Variants in SCOC observed in about 807,000 individuals in gnomAD.
The protein encoded by SCOC is short coiled-coil protein.
In SCOC, 7 loss-of-function variants were observed where a neutral mutation model predicts 9.9. That is an observed-to-expected ratio of 0.71 (90% CI 0.40 to 1.33). The LOEUF (loss-of-function observed/expected upper bound fraction) is 1.33. Among genes scored for constraint, SCOC ranks in the 40% most tolerant of loss-of-function variants. The pLI is 0.01. For synonymous variants in SCOC, 19 were observed against 28.2 expected (o/e 0.67, Z 1.03); for missense variants, 66 against 89.7 (o/e 0.74, Z 1.07).
chr4:140,378,028 G>A (rs1283218388), intron 1 of SCOC, among the ~76,000 whole-genome samples: 1 of 152,084 alleles, frequency 6.6e-6, no homozygotes, highest in African/African-American at 2.4e-5. Flanking sequence ...ATGATTGTTA[G>A]CAATGGAGCA....
At chr4:140,292,410 A>T (rs939798824) in intron 1 of SCOC, among the ~76,000 whole-genome samples, 3 of 151,952 alleles carry the variant, frequency 2.0e-5, no homozygotes, top group Non-Finnish European at 4.4e-5. Context: ...GCTGGTCTTG[A>T]ACTCCTGATG....
chr4:140,373,366 G>T (rs1195535645), upstream of SCOC: 3 of 1,441,608 alleles, frequency 2.1e-6, no homozygotes, highest in Non-Finnish European at 9.1e-7. Flanking sequence ...GACCTGATGA[G>T]CCGCTTCACC....
intron 2 of SCOC, among the ~76,000 whole-genome samples, chr4:140,359,235 TAGAC>T (rs1440841081): frequency 1.3e-5 from 2 of 152,158 alleles, no homozygotes; most frequent in Non-Finnish European, 2.9e-5. Flanking sequence ...CATCTGAAGT[TAGAC>T]AGGCTGTGTA....
chr4:140,258,681 G>T (rs1730564492), intron 1 of SCOC, among the ~76,000 whole-genome samples: 1 of 152,208 alleles, frequency 6.6e-6, no homozygotes, highest in African/African-American at 2.4e-5. Flanking sequence ...TCTTCCTCCA[G>T]GGCTTCAGGG....
intron 1 of SCOC, among the ~76,000 whole-genome samples, chr4:140,299,470 G>A (rs1731751860): frequency 6.6e-6 from 1 of 152,144 alleles, no homozygotes; most frequent in African/African-American, 2.4e-5. Context: ...TCAGCTGCCA[G>A]TGGGAATTTC....
intron 2 of SCOC, among the ~76,000 whole-genome samples, chr4:140,358,055 T>C (rs1727308324): frequency 6.6e-6 from 1 of 152,156 alleles, no homozygotes; most frequent in Admixed American, 6.5e-5. Context: ...CCCTTTGCTT[T>C]CTCGCCCTGG....
At chr4:140,339,234 A>G (rs1578826238), upstream of SCOC, among the ~76,000 whole-genome samples, 2 of 152,140 alleles carry the variant, frequency 1.3e-5, no homozygotes, top group South Asian at 4.1e-4. Context: ...TGCTGGGAAA[A>G]CTGGCTAGCC....
chr4:140,374,782 C>G lies in SCOC; in HGVS notation c.-51+1065C>G, dbSNP rs533692041. Among the ~76,000 whole-genome samples, 3 of 152,208 alleles carry G rather than the reference C, an allele frequency of 2.0e-5. No homozygotes were observed. The South Asian group carries it at 6.2e-4, about 32-fold the overall frequency. On this transcript the variant is annotated intron_variant, in intron 1 of 3. Coordinates refer to ENST00000608372, the MANE Select transcript of SCOC (RefSeq NM_001153484.2). Reference sequence around the variant, plus strand: ...AAAAGCATGGACTGTGAAGTTAGACCTGGGTTCAAATTCTTGGTAGAGACA... The same window carrying G: ...AAAAGCATGGACTGTGAAGTTAGACGTGGGTTCAAATTCTTGGTAGAGACA...
intron 1 of SCOC, among the ~76,000 whole-genome samples, chr4:140,285,491 G>A (rs1044886871): frequency 6.6e-6 from 1 of 152,238 alleles, no homozygotes; most frequent in Non-Finnish European, 1.5e-5. Context: ...GACAGAGCTG[G>A]CAGGACAGGA....
At chr4:140,313,340 G>A (rs1285575986) in intron 1 of SCOC, among the ~76,000 whole-genome samples, 3 of 152,146 alleles carry the variant, frequency 2.0e-5, no homozygotes, top group African/African-American at 7.2e-5. Flanking sequence ...TGCTTCCCGG[G>A]TTCTAGCGAT....
At chr4:140,325,977 C>G (rs953612035) in intron 1 of SCOC, among the ~76,000 whole-genome samples, 1 of 152,180 alleles carries the variant, frequency 6.6e-6, no homozygotes, top group Non-Finnish European at 1.5e-5. Context: ...TATATCCGTA[C>G]AGTAGGCTAT....
At chr4:140,294,501 G>C (rs1371376691) in intron 1 of SCOC, among the ~76,000 whole-genome samples, 1 of 152,120 alleles carries the variant, frequency 6.6e-6, no homozygotes, top group Non-Finnish European at 1.5e-5. Flanking sequence ...GAGAGTTTTT[G>C]TGGGTACAAA....
chr4:140,329,242 G>T (rs923895004), intron 1 of SCOC, among the ~76,000 whole-genome samples: 6 of 152,172 alleles, frequency 3.9e-5, no homozygotes, highest in Admixed American at 6.5e-5. Context: ...TAATTGGCAG[G>T]CCACATGTCG....
chr4:140,320,144 G>T (rs1254938904), intron 1 of SCOC, among the ~76,000 whole-genome samples: 7 of 152,144 alleles, frequency 4.6e-5, no homozygotes, highest in African/African-American at 7.2e-5. Context: ...TGATAAAACA[G>T]ATTGCAGTAA....
chr4:140,277,174 TGAGCTTAAAGAGACA>T, intron 1 of SCOC, among the ~76,000 whole-genome samples: 1 of 152,248 alleles, frequency 6.6e-6, no homozygotes, highest in East Asian at 1.9e-4. Context: ...TTCTCTTTTG[TGAGCTTAAAGAGACA>T]GAGCTTAACA....
At chr4:140,373,269 C>G (rs1728138059), upstream of SCOC, 5 of 1,305,950 alleles carry the variant, frequency 3.8e-6, no homozygotes, top group Non-Finnish European at 4.9e-6. Flanking sequence ...CAACCTCTTT[C>G]CTGAATGACT....
At chr4:140,286,680 G>A (rs1667749980) in intron 1 of SCOC, among the ~76,000 whole-genome samples, 1 of 152,262 alleles carries the variant, frequency 6.6e-6, no homozygotes, top group Non-Finnish European at 1.5e-5. Context: ...GAGCGCATAA[G>A]CATGACTGCC....
intron 1 of SCOC, chr4:140,285,299 T>G (rs1182501182): frequency 2.2e-6 from 1 of 456,414 alleles, no homozygotes; most frequent in African/African-American, 2.0e-5. Flanking sequence ...AAGAGATAAT[T>G]TAGATGATAG....
chr4:140,354,509 CTTTTTTTTTTTTTTTT>C (rs397878492), intron 2 of SCOC, among the ~76,000 whole-genome samples: 1 of 103,730 alleles, frequency 9.6e-6, no homozygotes, highest in African/African-American at 3.6e-5. Context: ...TCTCAAAGAA[CTTTTTTTTTTTTTTTT>C]TTTTTTTGCA....
Sources: allele counts gnomAD v4.1 joint callset (sites outside exome capture counted in the v4.1 genomes callset), GRCh38; gene constraint gnomAD v4.1.1; transcripts MANE v1.5; gene names NCBI Gene and HGNC (gene_info 2026-07-23, HGNC 2026-07-21).